Variants in COPS5 observed in about 807,000 individuals in gnomAD.
COPS5 encodes COP9 signalosome complex subunit 5.
Under a neutral mutation model 44.4 loss-of-function variants are expected in COPS5, and 8 were observed. The observed-to-expected ratio is 0.18, with a 90% confidence interval of 0.11 to 0.32. The LOEUF (loss-of-function observed/expected upper bound fraction) is 0.32. Among genes scored for constraint, COPS5 ranks in the 10% least tolerant of loss-of-function variants. COPS5 has a pLI of 1.00. For synonymous variants in COPS5, 122 were observed against 142.8 expected (o/e 0.85, Z 1.04); for missense variants, 159 against 406.4 (o/e 0.39, Z 5.23).
chr8:67,043,968 T>C (rs2129537682), intron 7 of COPS5: 1 of 152,330 alleles, frequency 6.6e-6, no homozygotes, highest in South Asian at 2.1e-4. Context: ...GATAAACTGA[T>C]AAATGACATA....
At position 67,048,509 on chromosome 8, in the gene COPS5, G is replaced by A. The variant is rs1249391282; in HGVS notation, c.772-2549C>T. 3.3e-5 allele frequency among the ~76,000 whole-genome samples: 5 copies of A among 151,514 alleles called. No homozygotes were observed. The South Asian group carries it at 1.0e-3, about 31-fold the overall frequency. On this transcript the variant is annotated intron_variant, in intron 6 of 7. Coordinates refer to ENST00000357849, the MANE Select transcript of COPS5 (RefSeq NM_006837.3). ...AGGCGGGTGGATCACGAGGTCAGGA[G>A]TTCAAGACCAGCCTGGCCAAGATGG...
At chr8:67,050,440 T>C (rs1307834905) in intron 6 of COPS5, among the ~76,000 whole-genome samples, 2 of 152,204 alleles carry the variant, frequency 1.3e-5, no homozygotes, top group Non-Finnish European at 2.9e-5. Flanking sequence ...GCACTTGCCG[T>C]GGCGCAAGCC....
intron 6 of COPS5, among the ~76,000 whole-genome samples, chr8:67,050,590 G>T (rs1804391241): frequency 7.3e-6 from 1 of 136,196 alleles, no homozygotes; most frequent in African/African-American, 3.1e-5. Context: ...TGTGTATCTT[G>T]ACCTGGAAAT....
At chr8:67,049,748 A>C (rs1314528827) in intron 6 of COPS5, among the ~76,000 whole-genome samples, 1 of 152,192 alleles carries the variant, frequency 6.6e-6, no homozygotes, top group Non-Finnish European at 1.5e-5. Context: ...ATCAAAGAGC[A>C]TAAGAAACTT....
intron 6 of COPS5, among the ~76,000 whole-genome samples, chr8:67,049,585 T>C (rs879353435): frequency 3.9e-5 from 6 of 152,256 alleles, no homozygotes; most frequent in African/African-American, 1.4e-4. Flanking sequence ...TCTTTATCTC[T>C]AACTTTCACA....
At chr8:67,047,126 G>C (rs756816960) in intron 6 of COPS5, among the ~76,000 whole-genome samples, 1 of 151,990 alleles carries the variant, frequency 6.6e-6, no homozygotes, top group Non-Finnish European at 1.5e-5. Context: ...TTCTTTCCTA[G>C]ATCTTCAATA....
At position 67,053,895 on chromosome 8, in the gene COPS5, A is replaced by T. The variant is rs888516425; in HGVS notation, c.660-2554T>A. 2.7e-5 allele frequency among the ~76,000 whole-genome samples: 4 copies of T among 147,898 alleles called. No homozygotes were observed. In the South Asian group the frequency reaches 8.5e-4, roughly 31 times the overall value. Reference sequence around the variant, plus strand: ...ATGGTGGGCGCCTGTAGTTCCAGCTACTCGGGAGGGTGAGGCAGGATAATG... The same window carrying T: ...ATGGTGGGCGCCTGTAGTTCCAGCTTCTCGGGAGGGTGAGGCAGGATAATG... On this transcript the variant is annotated intron_variant, in intron 5 of 7. Coordinates refer to ENST00000357849, the MANE Select transcript of COPS5 (RefSeq NM_006837.3).
rs570152372 is a variant in COPS5, at chr8:67,057,401, G to T, written c.552C>A (p.Gly184=). ...RTISAGKVNL[G]AFRTYPKGYK... ...TTACCTTTGGGTATGTCCTAAAGGCGCCAAGATTCACTTTCCCTGCGGATA... is the reference window on the plus strand; with the variant it reads ...TTACCTTTGGGTATGTCCTAAAGGCTCCAAGATTCACTTTCCCTGCGGATA... The change falls in exon 4 of 8, where the codon GGC becomes GGA. Residue 184 remains glycine, a synonymous_variant. Transcript: ENST00000357849. The T allele has an allele frequency of 6.8e-6, 11 of 1,609,292 alleles. No homozygotes were observed. The highest frequency in any genetic ancestry group is 9.3e-6 in the Non-Finnish European group (11 of 1,177,668).
rs538511145 is a variant in COPS5 at position 67,061,790 on chromosome 8, C to T, written c.143+64G>A. On this transcript the variant is annotated intron_variant, in intron 1 of 7. Coordinates refer to ENST00000357849, the MANE Select transcript of COPS5 (RefSeq NM_006837.3). ...TCTTCACCCCTTTCACCTCCCTCTC[C>T]CTCTGGGTCTCTTAAACTCCGCCAC... is the stretch of plus-strand genomic sequence containing the variant. The T allele has an allele frequency of 9.6e-5, 148 of 1,545,532 alleles. 1 individual carries two copies. The South Asian group carries it at 1.6e-3, about 16-fold the overall frequency.
At chr8:67,048,240 G>T (rs559109326) in intron 6 of COPS5, among the ~76,000 whole-genome samples, 1 of 151,626 alleles carries the variant, frequency 6.6e-6, no homozygotes, top group East Asian at 1.9e-4. Flanking sequence ...CTGCACTTCA[G>T]CCTGGGCAAC....
At position 67,050,558 on chromosome 8, in the gene COPS5, A is replaced by T. The variant is rs866883883; in HGVS notation, c.771+672T>A. Among the ~76,000 whole-genome samples, 7 of 141,084 alleles carry T rather than the reference A, an allele frequency of 5.0e-5. No homozygotes were observed. The South Asian group carries it at 9.0e-4, about 18-fold the overall frequency. 92.6% of individuals were successfully genotyped at this position (141,084 alleles called of 152,430 possible). ...TTTTGCCCGGAAATATGTGAGTGTG[A>T]GTGTGTGTGTGTGTGTGTGTGTGTG... On this transcript the variant is annotated intron_variant, in intron 6 of 7. Coordinates refer to ENST00000357849, the MANE Select transcript of COPS5 (RefSeq NM_006837.3).
rs115501897 is a variant in COPS5, at chr8:67,052,240, G to A, written c.660-899C>T. Among the ~76,000 whole-genome samples the A allele has an allele frequency of 1.8e-3, 281 of 152,184 alleles. 4 individuals carry two copies. The highest frequency in any genetic ancestry group is 6.5e-3 in the African/African-American group (270 of 41,518). The stretch of plus-strand genomic sequence containing the variant: ...ATTTTTGAGTCTATGGTATGGATAT[G>A]TGGAGAGCAAGGAGGGCATTAGGCA... On this transcript the variant is annotated intron_variant, in intron 5 of 7. Transcript: ENST00000357849.
At position 67,058,067 on chromosome 8, in the gene COPS5, G is replaced by A. The variant is rs1383278655; in HGVS notation, c.507+16C>T. 6.2e-7 allele frequency: 1 copy of A among 1,612,320 alleles called. No individual in the cohort carries two copies. Among genetic ancestry groups the A allele is most frequent in the Admixed American group, 1.7e-5 (1 of 59,960 alleles). ...CTTCATAAAGAACTTAATTAAACTG[G>A]TTTTAAAATTCTTACCACCACTGCT... On this transcript the variant is annotated intron_variant, in intron 3 of 7. Transcript: ENST00000357849.
chr8:67,050,154 A>G (rs1056211420), intron 6 of COPS5, among the ~76,000 whole-genome samples: 1 of 151,070 alleles, frequency 6.6e-6, no homozygotes. Context: ...GGCGCCCACC[A>G]CCTCGCCCGG....
At position 67,056,509 on chromosome 8, in the gene COPS5, A is replaced by G. The variant is rs753368192; in HGVS notation, c.659+10T>C. 5 of 1,093,284 alleles carry G rather than the reference A, an allele frequency of 4.6e-6. No homozygotes were observed. Among genetic ancestry groups the G allele is most frequent in the Non-Finnish European group, 6.7e-6 (5 of 740,800 alleles). The allele number at this position is 1,093,284 out of a possible 1,614,324, so 67.7% of individuals were successfully genotyped here. On this transcript the variant is annotated intron_variant, in intron 5 of 7. Transcript: ENST00000357849. ...CGTGCCTGGCCCAGATATGTTTTTA[A>G]ATTACTTACTGTTTGCAGTGTACAC...
chr8:67,060,359 C>G lies in COPS5; in HGVS notation c.144-914G>C. The G allele has an allele frequency of 3.3e-6, 4 of 1,205,344 alleles. 1 individual carries two copies. In the South Asian group the frequency reaches 5.9e-5, roughly 18 times the overall value. 74.7% of individuals were successfully genotyped at this position (1,205,344 alleles called of 1,614,324 possible). On this transcript the variant is annotated intron_variant, in intron 1 of 7. Coordinates refer to ENST00000357849, the MANE Select transcript of COPS5 (RefSeq NM_006837.3). ...CCTGTTACAGAAGCAAGCAGATAAC[C>G]AAGCAACTTAAGCAGCCTTACAGAG... is the stretch of plus-strand genomic sequence containing the variant.
At chr8:67,061,711 C>G in intron 1 of COPS5, 143 bp downstream of exon 1, 1 of 811,922 alleles carries the variant, frequency 1.2e-6, no homozygotes, top group Non-Finnish European at 2.0e-6. Flanking sequence ...AGGGCTTAGG[C>G]TCTACTTGCA....
chr8:67,045,682 A>G, intron 7 of COPS5, 130 bp downstream of exon 7: 1 of 908,466 alleles, frequency 1.1e-6, no homozygotes, highest in Non-Finnish European at 1.7e-6. Flanking sequence ...GTTTCCAAGA[A>G]GTTAATATTC....
chr8:67,050,078 G>C (rs1804376336), intron 6 of COPS5, among the ~76,000 whole-genome samples: 1 of 146,862 alleles, frequency 6.8e-6, no homozygotes, highest in South Asian at 2.1e-4. Flanking sequence ...TCGGCTCACT[G>C]CAGGCTCTGC....
Sources: allele counts gnomAD v4.1 joint callset (sites outside exome capture counted in the v4.1 genomes callset), GRCh38; gene constraint gnomAD v4.1.1; transcripts MANE v1.5; gene names NCBI Gene and HGNC (gene_info 2026-07-23, HGNC 2026-07-21).